EFCAB3: variants seen among roughly 807,000 people sequenced by gnomAD.
The protein encoded by EFCAB3 is EF-hand calcium-binding domain-containing protein 3.
EFCAB3 carries 36 observed loss-of-function variants against 42.2 expected under a neutral mutation model. The ratio of observed to expected loss-of-function variants is 0.85; its 90% CI spans 0.65 to 1.13. EFCAB3 has a LOEUF of 1.13. EFCAB3 is among the 50% of genes most tolerant of loss of function. EFCAB3 has a pLI of 0.00. For missense variants in EFCAB3, 418 were observed against 505.1 expected, an observed-to-expected ratio of 0.83 and a Z score of 1.65; for synonymous variants, 170 against 172.8, an observed-to-expected ratio of 0.98 and a Z score of 0.13.
At chr17:62,393,796 T>G in intron 5 of EFCAB3, 152 bp downstream of exon 5, 1 of 651,972 alleles carries the variant, frequency 1.5e-6, no homozygotes, top group East Asian at 2.7e-5. Flanking sequence ...GAACAGTATT[T>G]GCTAAACAAA....
intron 7 of EFCAB3, 133 bp downstream of exon 7, chr17:62,406,806 A>G: frequency 1.0e-6 from 1 of 981,900 alleles, no homozygotes; most frequent in East Asian, 2.7e-5. Context: ...TCTCTGTCAC[A>G]TAGATGTCAT....
chr17:62,395,923 C>A (rs2070344716), intron 6 of EFCAB3, among the ~76,000 whole-genome samples: 1 of 152,080 alleles, frequency 6.6e-6, no homozygotes, highest in African/African-American at 2.4e-5. Context: ...TAAAAATATT[C>A]TTCTGCCCCT....
At chr17:62,390,121 A>AATGGC (rs1439781635) in intron 3 of EFCAB3, among the ~76,000 whole-genome samples, 1 of 152,188 alleles carries the variant, frequency 6.6e-6, no homozygotes, top group Non-Finnish European at 1.5e-5. Flanking sequence ...AGAAGAGACA[A>AATGGC]ATGGCAGAGG....
upstream of EFCAB3, among the ~76,000 whole-genome samples, chr17:62,377,325 T>G (rs1377507197): frequency 1.3e-5 from 2 of 152,204 alleles, no homozygotes; most frequent in African/African-American, 4.8e-5. Flanking sequence ...TTGGTTTATC[T>G]GGCCAGGCCA....
intron 3 of EFCAB3, among the ~76,000 whole-genome samples, chr17:62,388,166 G>A (rs1357587437): frequency 2.0e-5 from 3 of 151,974 alleles, no homozygotes; most frequent in South Asian, 4.2e-4. Flanking sequence ...AGCCGAGATC[G>A]CGCCACTGCA....
chr17:62,370,443 TCAG>T, intron 1 of EFCAB3: 1 of 974,176 alleles, frequency 1.0e-6, no homozygotes, highest in African/African-American at 1.6e-5. Context: ...TCACCTGAGG[TCAG>T]GAGTTCGAGA....
intron 6 of EFCAB3, among the ~76,000 whole-genome samples, chr17:62,399,033 G>C (rs2070378478): frequency 6.6e-6 from 1 of 151,936 alleles, no homozygotes; most frequent in African/African-American, 2.4e-5. Flanking sequence ...CCCCTGCTCT[G>C]CCTGCTGAAC....
At chr17:62,404,203 A>G (rs1159758335) in intron 6 of EFCAB3, among the ~76,000 whole-genome samples, 2 of 152,136 alleles carry the variant, frequency 1.3e-5, no homozygotes, top group East Asian at 1.9e-4. Context: ...CACTATGCCA[A>G]TCAGGTGAGA....
In EFCAB3 at chr17:62,406,515, G is replaced by A. The variant is rs749487957; in HGVS notation, c.524G>A (p.Gly175Glu). The A allele has an allele frequency of 2.5e-6, 4 of 1,609,086 alleles. No individual in the cohort carries two copies. The East Asian group carries it at 8.9e-5, about 36-fold the overall frequency. The change falls in exon 7 of 10, where the codon GGA becomes GAA. Residue 175 changes from glycine (G) to glutamate (E), a missense_variant. Transcript: ENST00000305286. ...FQRKFQHTGPGMLWSPYTMGY... is the reference protein window; with the variant it reads ...FQRKFQHTGPEMLWSPYTMGY... ...AGAAAATTCCAGCATACTGGCCCAGGAATGTTGTGGAGTCCCTACACTATG... is the reference window on the plus strand; with the variant it reads ...AGAAAATTCCAGCATACTGGCCCAGAAATGTTGTGGAGTCCCTACACTATG...
At chr17:62,389,484 A>C (rs1416011429) in intron 3 of EFCAB3, among the ~76,000 whole-genome samples, 1 of 152,236 alleles carries the variant, frequency 6.6e-6, no homozygotes, top group African/African-American at 2.4e-5. Context: ...TACAGTGCTT[A>C]ATCCTCACAA....
chr17:62,385,876 T>C (rs1267766338), intron 2 of EFCAB3, among the ~76,000 whole-genome samples: 6 of 148,502 alleles, frequency 4.0e-5, no homozygotes, highest in Non-Finnish European at 7.4e-5. Context: ...CCCGCCACCA[T>C]GCCCGGCTAA....
intron 8 of EFCAB3, among the ~76,000 whole-genome samples, chr17:62,408,091 C>A (rs2070463788): frequency 6.6e-6 from 1 of 152,172 alleles, no homozygotes; most frequent in Admixed American, 6.5e-5. Context: ...TATGTCCCAA[C>A]ATTCAACTAC....
upstream of EFCAB3, among the ~76,000 whole-genome samples, chr17:62,380,254 G>A (rs1186945391): frequency 1.3e-5 from 2 of 152,070 alleles, no homozygotes; most frequent in East Asian, 1.9e-4. Flanking sequence ...TGCCCGCCTC[G>A]GCCCCCCAAA....
At chr17:62,404,573 G>T (rs752201743) in intron 6 of EFCAB3, among the ~76,000 whole-genome samples, 4 of 152,128 alleles carry the variant, frequency 2.6e-5, no homozygotes, top group Non-Finnish European at 4.4e-5. Context: ...GAGGCGGATG[G>T]ATCACTTGAG....
At chr17:62,402,719 G>A (rs531388722) in intron 6 of EFCAB3, among the ~76,000 whole-genome samples, 1 of 152,226 alleles carries the variant, frequency 6.6e-6, no homozygotes, top group Non-Finnish European at 1.5e-5. Context: ...TTTTCGCATC[G>A]ATGTTCATCA....
At position 62,413,722 on chromosome 17, in the gene EFCAB3, AT is replaced by A. The variant is rs773827879; in HGVS notation, c.868-9del. ...GTATTACTAACCTTCTTTTTTAAAT[AT>A]GCATAAAGGCAGCAAATATAAAGTC... On this transcript the variant is annotated splice_polypyrimidine_tract_variant and intron_variant, in intron 8 of 9. Transcript: ENST00000305286. 13 of 1,572,790 alleles carry A rather than the reference AT, an allele frequency of 8.3e-6. No individual in the cohort carries two copies. Among genetic ancestry groups the A allele is most frequent in the Non-Finnish European group, 1.1e-5 (13 of 1,161,184 alleles).
chr17:62,371,117 G>A (rs1193521547), intron 1 of EFCAB3, among the ~76,000 whole-genome samples: 2 of 149,914 alleles, frequency 1.3e-5, no homozygotes, highest in African/African-American at 2.5e-5. Flanking sequence ...AAAAAAAAGA[G>A]CAGATTTTGG....
chr17:62,394,498 T>C (rs1365060976), intron 5 of EFCAB3, among the ~76,000 whole-genome samples: 3 of 152,190 alleles, frequency 2.0e-5, no homozygotes, highest in South Asian at 2.1e-4. Flanking sequence ...CACTAACTAA[T>C]AGAAAATAAT....
chr17:62,386,351 C>T (rs1225936237), intron 2 of EFCAB3, among the ~76,000 whole-genome samples: 2 of 152,056 alleles, frequency 1.3e-5, no homozygotes, highest in African/African-American at 4.8e-5. Context: ...AATGAAAGGT[C>T]ACCCAGGGTT....
Sources: allele counts gnomAD v4.1 joint callset (sites outside exome capture counted in the v4.1 genomes callset), GRCh38; gene constraint gnomAD v4.1.1; transcripts MANE v1.5; gene names NCBI Gene and HGNC (gene_info 2026-07-23, HGNC 2026-07-21).